The following MTMR1 variants were observed in gnomAD, a reference collection of about 807,000 sequenced individuals.
The protein encoded by MTMR1 is myotubularin related protein 1, also known as phosphatidylinositol-3-phosphate phosphatase MTMR1.
In MTMR1, 17 loss-of-function variants were observed where a neutral mutation model predicts 51.6. The ratio of observed to expected loss-of-function variants is 0.33; its 90% confidence interval spans 0.23 to 0.49. The LOEUF is 0.49. Ranked by LOEUF, MTMR1 falls within the 20% of genes least tolerant of loss-of-function variation. The pLI is 0.99. For missense variants in MTMR1, 386 were observed against 526.9 expected (o/e 0.73, Z 2.62); for synonymous variants, 201 against 205.6 (o/e 0.98, Z 0.19).
chrX:150,743,675 C>T (rs782638438), intron 12 of MTMR1, among the ~76,000 whole-genome samples: 1 of 112,230 alleles, frequency 8.9e-6, no homozygotes, highest in Non-Finnish European at 1.9e-5. Context: ...TCTTAGAATC[C>T]TCACCCTTCA....
chrX:150,753,600 C>T (rs782291859), intron 14 of MTMR1, among the ~76,000 whole-genome samples: 4 of 112,650 alleles, frequency 3.6e-5, no homozygotes, highest in South Asian at 3.6e-4. Context: ...GCTTATTGGC[C>T]ATTTGCATAT....
intron 12 of MTMR1, 34 bp from the exon 13 acceptor site, chrX:150,744,327 A>G: frequency 8.9e-7 from 1 of 1,128,505 alleles, no homozygotes; most frequent in Non-Finnish European, 1.2e-6. Flanking sequence ...ACTATAACAT[A>G]CGTTAAAACG....
Position 150,765,056 on chromosome X carries a change from G to GTAAC in MTMR1, c.*2333_*2336dup, listed in dbSNP as rs202049602. 22 of 112,308 alleles carry GTAAC rather than the reference G, an allele frequency of 2.0e-4. No homozygotes were observed. Among genetic ancestry groups the GTAAC allele is most frequent in the African/African-American group, 3.9e-4 (12 of 30,919 alleles). 9.3% of individuals were successfully genotyped at this position (112,308 alleles called of 1,213,427 possible). ...CACAGTTAATATATGATGATGTAAA[G>GTAAC]TAACTAACTTTATGTGATTTAATTC... On this transcript the variant is annotated 3_prime_UTR_variant, in exon 16 of 16. Coordinates refer to ENST00000445323, the MANE Select transcript of MTMR1 (RefSeq NM_001306144.3).
In MTMR1 at chrX:150,720,166, G is replaced by A. The variant is rs1476208279; in HGVS notation, c.352+1466G>A. On this transcript the variant is annotated intron_variant, in intron 4 of 15. Coordinates refer to ENST00000445323, the MANE Select transcript of MTMR1 (RefSeq NM_001306144.3). ...AGGTCATTGTGAAGTAAAATACTCC[G>A]TCTAAAGTATTACTTCAGTTTGTCA... Among the ~76,000 whole-genome samples the A allele has an allele frequency of 9.0e-5, 10 of 111,574 alleles. No individual in the cohort carries two copies. The South Asian group carries it at 1.1e-3, about 13-fold the overall frequency.
chrX:150,720,049 T>C (rs2041694831), intron 4 of MTMR1, among the ~76,000 whole-genome samples: 1 of 112,346 alleles, frequency 8.9e-6, no homozygotes, highest in East Asian at 2.8e-4. Flanking sequence ...GATGTAAATA[T>C]GCTTTATGCT....
At chrX:150,717,698 A>G (rs2041588457) in intron 3 of MTMR1, among the ~76,000 whole-genome samples, 2 of 110,888 alleles carry the variant, frequency 1.8e-5, no homozygotes, top group South Asian at 7.6e-4. Flanking sequence ...CCTCCCCTCA[A>G]TTATCTGGCA....
At chrX:150,762,348 G>T (rs1357164202) in intron 15 of MTMR1, among the ~76,000 whole-genome samples, 2 of 111,703 alleles carry the variant, frequency 1.8e-5, no homozygotes, top group African/African-American at 6.5e-5. Flanking sequence ...TCAGCGGCTC[G>T]GCCCCCGGAG....
At chrX:150,727,551 A>ATCAGACTTCAATTT in intron 5 of MTMR1, 133 bp from the exon 6 acceptor site, 1 of 528,917 alleles carries the variant, frequency 1.9e-6, no homozygotes, top group Non-Finnish European at 3.1e-6. Context: ...AATGCTGTCA[A>ATCAGACTTCAATTT]TCAGACTTCA....
At chrX:150,759,965 C>T (rs782627980) in intron 15 of MTMR1, among the ~76,000 whole-genome samples, 1 of 109,572 alleles carries the variant, frequency 9.1e-6, no homozygotes, top group African/African-American at 3.3e-5. Context: ...CTGGCAGTGA[C>T]TCACCGCCTG....
intron 14 of MTMR1, among the ~76,000 whole-genome samples, chrX:150,752,889 G>T (rs781883134): frequency 9.1e-6 from 1 of 110,373 alleles, no homozygotes; most frequent in Non-Finnish European, 1.9e-5. Flanking sequence ...TGATGTTCCC[G>T]CCTCGGCCTC....
At chrX:150,733,305 C>T (rs1486677508) in intron 10 of MTMR1, among the ~76,000 whole-genome samples, 2 of 111,759 alleles carry the variant, frequency 1.8e-5, no homozygotes, top group Non-Finnish European at 3.8e-5. Context: ...TCCCAGTCTT[C>T]AAATGGCATT....
intron 12 of MTMR1, among the ~76,000 whole-genome samples, chrX:150,742,583 G>A (rs1201114385): frequency 1.8e-5 from 2 of 110,737 alleles, no homozygotes; most frequent in Non-Finnish European, 3.8e-5. Context: ...TTGGGAGGCC[G>A]AGGCGGGCGG....
intron 13 of MTMR1, among the ~76,000 whole-genome samples, chrX:150,749,783 G>A (rs1338798299): frequency 8.9e-6 from 1 of 111,912 alleles, no homozygotes; most frequent in Non-Finnish European, 1.9e-5. Flanking sequence ...ACCCCACTTG[G>A]TCATGTTGTG....
chrX:150,700,567 C>G (rs782746343), intron 2 of MTMR1, among the ~76,000 whole-genome samples: 1 of 112,477 alleles, frequency 8.9e-6, no homozygotes, highest in African/African-American at 3.2e-5. Flanking sequence ...AAAACCTGGT[C>G]GGGCAAACAC....
intron 14 of MTMR1, among the ~76,000 whole-genome samples, chrX:150,751,496 C>T: frequency 9.0e-6 from 1 of 111,227 alleles, no homozygotes; most frequent in African/African-American, 3.3e-5. Flanking sequence ...ACGCCCGCCT[C>T]CCCCTCTCTC....
At chrX:150,710,908 A>G (rs1557416203) in intron 2 of MTMR1, among the ~76,000 whole-genome samples, 1 of 112,449 alleles carries the variant, frequency 8.9e-6, no homozygotes, top group Non-Finnish European at 1.9e-5. Context: ...TGACAAATCA[A>G]GAAATGGAAG....
chrX:150,741,960 C>T (rs1356968693), intron 12 of MTMR1, among the ~76,000 whole-genome samples: 1 of 112,277 alleles, frequency 8.9e-6, no homozygotes, highest in Non-Finnish European at 1.9e-5. Flanking sequence ...GGTATATACC[C>T]CAAAGAAGGG....
intron 15 of MTMR1, among the ~76,000 whole-genome samples, chrX:150,756,794 G>T (rs2148673186): frequency 8.9e-6 from 1 of 111,864 alleles, no homozygotes; most frequent in Admixed American, 9.4e-5. Flanking sequence ...GGGATTACAG[G>T]TGTACAGCAC....
chrX:150,754,324 T>G (rs1161666025), intron 14 of MTMR1, among the ~76,000 whole-genome samples: 3 of 113,099 alleles, frequency 2.7e-5, no homozygotes, highest in African/African-American at 9.6e-5. Flanking sequence ...TTTTTGTTGG[T>G]GTTTCTCTTA....
Sources: gnomAD v4.1 joint callset for allele counts (sites outside exome capture counted in the v4.1 genomes callset) on GRCh38, gnomAD v4.1.1 for gene constraint, MANE v1.5 for transcripts, NCBI Gene and HGNC (gene_info 2026-07-23, HGNC 2026-07-21) for gene names.